The following CABP7 variants were observed in gnomAD, a reference collection of about 807,000 sequenced individuals.
CABP7 encodes the protein calcium-binding protein 7.
In CABP7, 13 loss-of-function variants were observed where a neutral mutation model predicts 23.1. That is an observed-to-expected ratio of 0.56 (90% CI 0.37 to 0.90). The LOEUF is 0.90. Among genes scored for constraint, CABP7 ranks in the 40% least tolerant of loss-of-function variants. CABP7 has a pLI of 0.01. For synonymous variants in CABP7, 123 were observed against 115.3 expected (o/e 1.07, Z -0.43); for missense variants, 248 against 295.6 (o/e 0.84, Z 1.18).
Position 29,720,479 on chromosome 22 carries a change from C to T in CABP7, c.55C>T (p.Pro19Ser), listed in dbSNP as rs2067752059. 1.3e-6 allele frequency: 2 copies of T among 1,563,714 alleles called. No homozygotes were observed. Among genetic ancestry groups the T allele is most frequent in the African/African-American group, 2.8e-5 (2 of 70,714 alleles). ...GATGTACCGGGGCATCTACACCGTG[C>T]CCAACCTGCTGTCGGAGCAGCGCCC... ...ALMYRGIYTV[P>S]NLLSEQRPVD... The change falls in exon 1 of 5, where the codon CCC becomes TCC. Residue 19 changes from proline to serine, a missense_variant. Pro to Ser is a moderately conservative substitution (Grantham distance 74). Transcript: ENST00000216144. The surrounding 1 kb of genome is among the most constrained non-coding windows in gnomAD (Gnocchi z 5.2).
Position 29,729,429 on chromosome 22 carries a change from C to T in CABP7, c.521-13C>T, listed in dbSNP as rs777677214. 1.2e-5 allele frequency: 19 copies of T among 1,607,498 alleles called. No individual in the cohort carries two copies. Among genetic ancestry groups the T allele is most frequent in the Admixed American group, 3.3e-5 (2 of 59,882 alleles). On this transcript the variant is annotated splice_polypyrimidine_tract_variant and intron_variant, in intron 4 of 4. Transcript: ENST00000216144. ...CCTTCTGTCTCCCCGGTGCTCCCGG[C>T]GGGCGGCCACAGCCTGCTCCAACCA... is the stretch of plus-strand genomic sequence containing the variant.
intron 1 of CABP7, among the ~76,000 whole-genome samples, chr22:29,721,173 T>A (rs1790583007): frequency 6.6e-6 from 1 of 151,984 alleles, no homozygotes; most frequent in Non-Finnish European, 1.5e-5. Flanking sequence ...TAAGTCGCGA[T>A]AGCCAAGCCT....
intron 1 of CABP7, among the ~76,000 whole-genome samples, chr22:29,725,714 G>C (rs892859943): frequency 3.9e-5 from 6 of 152,228 alleles, no homozygotes; most frequent in Non-Finnish European, 1.5e-5. Context: ...GAGCAGAAGA[G>C]CACTTCAGGC....
rs1017141745 is a variant in CABP7, at chr22:29,720,914, C to A, written c.109+381C>A. 1.3e-5 allele frequency among the ~76,000 whole-genome samples: 2 copies of A among 151,894 alleles called. No individual in the cohort carries two copies. The highest frequency in any genetic ancestry group is 4.8e-5 in the African/African-American group (2 of 41,392). On this transcript the variant is annotated intron_variant, in intron 1 of 4. Coordinates refer to ENST00000216144, the MANE Select transcript of CABP7 (RefSeq NM_182527.3). This position sits in a 1 kb window ranked among gnomAD's most constrained non-coding sequence, Gnocchi z 5.2. The stretch of plus-strand genomic sequence containing the variant: ...CGGAGCACCCGCATCCTGATCCCCT[C>A]CGCGGCGCCCGCCCGCGGCTCTCTG...
rs774536129 is a variant in CABP7 at position 29,727,658 on chromosome 22, T to G, written c.110-4T>G. On this transcript the variant is annotated splice_region_variant and splice_polypyrimidine_tract_variant and intron_variant, in intron 1 of 4. Coordinates refer to ENST00000216144, the MANE Select transcript of CABP7 (RefSeq NM_182527.3). This position sits in a 1 kb window ranked among gnomAD's most constrained non-coding sequence, Gnocchi z 4.2. The stretch of plus-strand genomic sequence containing the variant: ...AGTCCCAGCCTACTCCATTCTCTCC[T>G]CAGAGATCCGAGAGGCCTTCAAGGT... The G allele has an allele frequency of 1.2e-6, 2 of 1,613,662 alleles. No homozygotes were observed. The highest frequency in any genetic ancestry group is 2.2e-5 in the South Asian group (2 of 91,058).
intron 1 of CABP7, among the ~76,000 whole-genome samples, chr22:29,723,148 G>T (rs962312997): frequency 3.9e-5 from 6 of 152,214 alleles, no homozygotes. Context: ...GGGGTAAGAG[G>T]CTGGAGCGTG....
Position 29,731,353 on chromosome 22 carries a change from C to T in CABP7, c.*1784C>T. The T allele has an allele frequency of 6.5e-7, 1 of 1,547,248 alleles. No homozygotes were observed. The highest frequency in any genetic ancestry group is 8.7e-7 in the Non-Finnish European group (1 of 1,155,340). On this transcript the variant is annotated 3_prime_UTR_variant, in exon 5 of 5. Coordinates refer to ENST00000216144, the MANE Select transcript of CABP7 (RefSeq NM_182527.3). The stretch of plus-strand genomic sequence containing the variant: ...AAGACAGTGGTTCTGATGGGTTCAG[C>T]CCTAGAGAGAGAGAGAGAAGCGGGG...
intron 1 of CABP7, among the ~76,000 whole-genome samples, chr22:29,721,267 G>A (rs1392523300): frequency 6.6e-6 from 1 of 152,218 alleles, no homozygotes; most frequent in African/African-American, 2.4e-5. Context: ...GGGATGGCAG[G>A]CCGCTGGCTG....
At position 29,727,860 on chromosome 22, in the gene CABP7, G is replaced by A; in HGVS notation, c.253+55G>A. 6.4e-7 allele frequency: 1 copy of A among 1,571,906 alleles called. No homozygotes were observed. Among genetic ancestry groups the A allele is most frequent in the Non-Finnish European group, 8.6e-7 (1 of 1,156,898 alleles). ...CCTGGCATCTGGGCCCTGGGGGTGG[G>A]GCAGGGGCTGGGGCCTGAGCTGCTG... On this transcript the variant is annotated intron_variant, in intron 2 of 4. Coordinates refer to ENST00000216144, the MANE Select transcript of CABP7 (RefSeq NM_182527.3). This position sits in a 1 kb window ranked among gnomAD's most constrained non-coding sequence, Gnocchi z 4.2.
At chr22:29,724,129 C>A (rs1215932167) in intron 1 of CABP7, among the ~76,000 whole-genome samples, 3 of 152,224 alleles carry the variant, frequency 2.0e-5, no homozygotes, top group Non-Finnish European at 4.4e-5. Context: ...GCTGATGGCA[C>A]AACGGTGGCA....
Position 29,727,790 on chromosome 22 carries a change from C to CG in CABP7, c.240dup (p.Leu81AlafsTer6). 1.2e-6 allele frequency: 2 copies of CG among 1,610,350 alleles called. No individual in the cohort carries two copies. The highest frequency in any genetic ancestry group is 1.7e-6 in the Non-Finnish European group (2 of 1,178,240). On this transcript the variant is annotated frameshift_variant, in exon 2 of 5. Transcript: ENST00000216144. LOFTEE classifies it high-confidence loss of function. The surrounding 1 kb of genome is among the most constrained non-coding windows in gnomAD (Gnocchi z 4.2). ...GGTGGAGCTGGAGGTCATCATCCAGCGGCTGGACATGGATGGTGAGCACCC... is the reference window on the plus strand; with the variant it reads ...GGTGGAGCTGGAGGTCATCATCCAGCGGGCTGGACATGGATGGTGAGCACCC...
chr22:29,725,418 A>G (rs1157436103), intron 1 of CABP7, among the ~76,000 whole-genome samples: 1 of 152,190 alleles, frequency 6.6e-6, no homozygotes, highest in African/African-American at 2.4e-5. Flanking sequence ...GGCTCCCCAC[A>G]TCAGTCATTC....
In CABP7 at chr22:29,720,449, G is replaced by A; in HGVS notation, c.25G>A (p.Ala9Thr). Reference protein sequence around the residue: MPFHPVTAALMYRGIYTVP... With the variant: MPFHPVTATLMYRGIYTVP... ...GATGCCGTTCCACCCGGTGACGGCG[G>A]CGTTGATGTACCGGGGCATCTACAC... The change falls in exon 1 of 5, where the codon GCG (alanine) becomes ACG (threonine). Residue 9 changes from alanine to threonine, a missense_variant. Ala to Thr is a moderately conservative substitution (Grantham distance 58). Coordinates refer to ENST00000216144, the MANE Select transcript of CABP7 (RefSeq NM_182527.3). This position sits in a 1 kb window ranked among gnomAD's most constrained non-coding sequence, Gnocchi z 5.2. The A allele has an allele frequency of 6.4e-7, 1 of 1,553,852 alleles. No homozygotes were observed.
rs1343185806 is a variant in CABP7, at chr22:29,727,121, G to C, written c.110-541G>C. Among the ~76,000 whole-genome samples the C allele has an allele frequency of 6.6e-6, 1 of 152,188 alleles. No homozygotes were observed. The highest frequency in any genetic ancestry group is 1.5e-5 in the Non-Finnish European group (1 of 68,048). ...GGCTCCTTCCCCCTCTGTCTTCCCT[G>C]AACCAAAAGAGGTCTGTGCCGCCTG... is the stretch of plus-strand genomic sequence containing the variant. On this transcript the variant is annotated intron_variant, in intron 1 of 4. Coordinates refer to ENST00000216144, the MANE Select transcript of CABP7 (RefSeq NM_182527.3). The surrounding 1 kb of genome is among the most constrained non-coding windows in gnomAD (Gnocchi z 4.2).
Position 29,729,603 on chromosome 22 carries a change from T to G in CABP7, c.*34T>G. The G allele has an allele frequency of 1.2e-6, 2 of 1,602,110 alleles. No individual in the cohort carries two copies. Among genetic ancestry groups the G allele is most frequent in the Non-Finnish European group, 1.7e-6 (2 of 1,178,562 alleles). ...TGGATGCCCCATCCACCGCATGCGG[T>G]GCCCGTGGCCCGCCCCACACCACCG... On this transcript the variant is annotated 3_prime_UTR_variant, in exon 5 of 5. Transcript: ENST00000216144.
intron 1 of CABP7, among the ~76,000 whole-genome samples, chr22:29,723,137 G>C (rs532593124): frequency 6.6e-6 from 1 of 152,318 alleles, no homozygotes; most frequent in South Asian, 2.1e-4. Flanking sequence ...GAGGCCCTGC[G>C]GGGGTAAGAG....
At chr22:29,728,894 C>A in intron 3 of CABP7, 152 bp downstream of exon 3, 1 of 1,088,224 alleles carries the variant, frequency 9.2e-7, no homozygotes, top group Non-Finnish European at 1.4e-6. Flanking sequence ...CCATGGGCTC[C>A]CTGGGGAGGC....
Position 29,727,678 on chromosome 22 carries a change from C to G in CABP7, c.126C>G (p.Phe42Leu), listed in dbSNP as rs2067806015. Residue 42 changes from phenylalanine to leucine, a missense_variant, in exon 2 of 5, where the codon TTC becomes TTG. Transcript: ENST00000216144. This position sits in a 1 kb window ranked among gnomAD's most constrained non-coding sequence, Gnocchi z 4.2. ...TCTCCTCAGAGATCCGAGAGGCCTT[C>G]AAGGTGTTTGACCGTGACGGCAATG... ...EDELEEIREA[F>L]KVFDRDGNGF... 1 of 1,613,824 alleles carries G rather than the reference C, an allele frequency of 6.2e-7. No homozygotes were observed. Among genetic ancestry groups the G allele is most frequent in the South Asian group, 1.1e-5 (1 of 91,030 alleles).
rs926694505 is a variant in CABP7 at position 29,729,723 on chromosome 22, C to T, written c.*154C>T. On this transcript the variant is annotated 3_prime_UTR_variant, in exon 5 of 5. Coordinates refer to ENST00000216144, the MANE Select transcript of CABP7 (RefSeq NM_182527.3). ...CCAGCGAGCCCTCCCCACCCACCCACGGTCCTCACCTGGAGCTGTGGCCTG... is the reference window on the plus strand; with the variant it reads ...CCAGCGAGCCCTCCCCACCCACCCATGGTCCTCACCTGGAGCTGTGGCCTG... 1.3e-4 allele frequency: 128 copies of T among 949,232 alleles called. No individual in the cohort carries two copies. Among genetic ancestry groups the T allele is most frequent in the Non-Finnish European group, 1.5e-4 (99 of 649,416 alleles). 58.8% of individuals were successfully genotyped at this position (949,232 alleles called of 1,614,324 possible).
Sources: gnomAD v4.1 joint callset for allele counts (sites outside exome capture counted in the v4.1 genomes callset) on GRCh38, gnomAD v4.1.1 for gene constraint, Gnocchi (gnomAD v3.1) non-coding constraint, MANE v1.5 for transcripts, NCBI Gene and HGNC (gene_info 2026-07-23, HGNC 2026-07-21) for gene names.